CORO2B: variants seen among roughly 807,000 people sequenced by gnomAD.
The protein encoded by CORO2B is coronin-2B.
CORO2B carries 26 observed loss-of-function variants against 58.8 expected under a neutral mutation model. The observed-to-expected ratio is 0.44, with a 90% CI of 0.32 to 0.61. The LOEUF (loss-of-function observed/expected upper bound fraction) is 0.61, where lower values mean the gene tolerates loss of function less well. CORO2B is among the 20% of genes least tolerant of loss of function. The probability of loss-of-function intolerance (pLI) is 0.04; values close to 1 mark genes in which losing one functional copy is unlikely to be tolerated. For missense variants in CORO2B, 460 were observed against 645.1 expected, an observed-to-expected ratio of 0.71 and a Z score of 3.11; for synonymous variants, 242 against 253.8, an observed-to-expected ratio of 0.95 and a Z score of 0.44.
At chr15:68,650,455 T>C (rs534696260) in intron 2 of CORO2B, among the ~76,000 whole-genome samples, 5 of 140,554 alleles carry the variant, frequency 3.6e-5, no homozygotes, top group African/African-American at 8.4e-5. Flanking sequence ...CCACTAAAAA[T>C]ACAAAACTTG....
rs997774789 is a variant in CORO2B, at chr15:68,680,029, G to A, written c.217-15111G>A. On this transcript the variant is annotated intron_variant, in intron 2 of 11. Transcript: ENST00000261861. ...CAGGGCTGAGTCTCTATGGTGTCTGGGCAGGGAAGATGGTGGGCACTGGGC... is the reference window on the plus strand; with the variant it reads ...CAGGGCTGAGTCTCTATGGTGTCTGAGCAGGGAAGATGGTGGGCACTGGGC... Among the ~76,000 whole-genome samples the A allele has an allele frequency of 2.0e-5, 3 of 152,094 alleles. No homozygotes were observed. In the East Asian group the frequency reaches 5.8e-4, roughly 29 times the overall value.
Position 68,645,931 on chromosome 15 carries a change from G to A in CORO2B, c.216+571G>A, listed in dbSNP as rs1008806952. Among the ~76,000 whole-genome samples the A allele has an allele frequency of 2.0e-5, 3 of 151,812 alleles. No homozygotes were observed. The highest frequency in any genetic ancestry group is 2.9e-5 in the Non-Finnish European group (2 of 67,952). The stretch of plus-strand genomic sequence containing the variant: ...TGGGATTGCAGGCACGTGCCACCAC[G>A]CCCAGCTAATTTTTGTATTTTCAGT... On this transcript the variant is annotated intron_variant, in intron 2 of 11. Coordinates refer to ENST00000261861, the MANE Select transcript of CORO2B (RefSeq NM_006091.5). The surrounding 1 kb of genome is among the most constrained non-coding windows in gnomAD (Gnocchi z 4.5).
At chr15:68,543,216 T>A in the CORO2B span, among the ~76,000 whole-genome samples, 40 of 152,316 alleles carry the variant, frequency 2.6e-4, no homozygotes, top group African/African-American at 9.6e-4. Context: ...TGGCTCTCAC[T>A]GGCTATGTGA....
chr15:68,679,862 T>G (rs1335998488), intron 2 of CORO2B, among the ~76,000 whole-genome samples: 1 of 152,166 alleles, frequency 6.6e-6, no homozygotes, highest in Non-Finnish European at 1.5e-5. Flanking sequence ...GGCCATAGAT[T>G]CCCAGGGTCA....
At chr15:68,527,479 G>A in the CORO2B span, among the ~76,000 whole-genome samples, 1 of 152,114 alleles carries the variant, frequency 6.6e-6, no homozygotes, top group East Asian at 1.9e-4. Context: ...AATTGACCAT[G>A]TATCTGTGAG....
At chr15:68,596,600 G>T (rs932260118) in intron 1 of CORO2B, among the ~76,000 whole-genome samples, 1 of 152,108 alleles carries the variant, frequency 6.6e-6, no homozygotes, top group African/African-American at 2.4e-5. Context: ...AATACTTCTC[G>T]ACTGACTGGG....
At chr15:68,660,491 C>T (rs1901979673) in intron 2 of CORO2B, among the ~76,000 whole-genome samples, 1 of 152,190 alleles carries the variant, frequency 6.6e-6, no homozygotes, top group Non-Finnish European at 1.5e-5. Flanking sequence ...TCACCTCAGC[C>T]TCCCAAGTAG....
Position 68,726,713 on chromosome 15 carries a change from T to C in CORO2B, c.*739T>C, listed in dbSNP as rs1255643444. ...TTTGACAAATGACAGAACTGAGGGT[T>C]GCAATGGGGAAATGACTTATAAAGT... On this transcript the variant is annotated 3_prime_UTR_variant, in exon 12 of 12. Coordinates refer to ENST00000261861, the MANE Select transcript of CORO2B (RefSeq NM_006091.5). The C allele has an allele frequency of 1.3e-5, 2 of 152,452 alleles. No individual in the cohort carries two copies. Among genetic ancestry groups the C allele is most frequent in the African/African-American group, 4.8e-5 (2 of 41,450 alleles). The allele number at this position is 152,452 out of a possible 1,614,324, so 9.4% of individuals were successfully genotyped here.
At chr15:68,535,948 T>C in the CORO2B span, among the ~76,000 whole-genome samples, 16,995 of 152,268 alleles carry the variant, frequency 0.11, 995 homozygotes, top group Middle Eastern at 0.14. Flanking sequence ...ATATGATTTG[T>C]AATTTTGGCT....
At chr15:68,533,029 C>CT in the CORO2B span, among the ~76,000 whole-genome samples, 152 of 152,318 alleles carry the variant, frequency 1.0e-3, no homozygotes, top group African/African-American at 3.6e-3. Flanking sequence ...TCCTTTTGCA[C>CT]TTTTTAGAAC....
chr15:68,604,194 G>A (rs549169071), intron 1 of CORO2B, among the ~76,000 whole-genome samples: 74 of 152,218 alleles, frequency 4.9e-4, no homozygotes, highest in Non-Finnish European at 8.8e-4. Flanking sequence ...TTGTCACTCT[G>A]GGCACCCCCT....
intron 1 of CORO2B, among the ~76,000 whole-genome samples, chr15:68,638,417 A>G (rs1346585312): frequency 1.3e-5 from 2 of 152,152 alleles, no homozygotes; most frequent in Non-Finnish European, 2.9e-5. Context: ...CATTATTCTC[A>G]TTTTACAGTT....
chr15:68,538,782 C>T, the CORO2B span, among the ~76,000 whole-genome samples: 1 of 148,454 alleles, frequency 6.7e-6, no homozygotes, highest in Non-Finnish European at 1.5e-5. Flanking sequence ...GAAGAGGATC[C>T]CTGGACCTAT....
the CORO2B span, among the ~76,000 whole-genome samples, chr15:68,543,179 G>A: frequency 0.032 from 4,832 of 152,246 alleles, 278 homozygotes; most frequent in African/African-American, 0.11. Flanking sequence ...CCTGGCCTTC[G>A]AGACAGAAGG....
chr15:68,693,825 ATTTGTTTGTTTG>A (rs71905785), intron 2 of CORO2B, among the ~76,000 whole-genome samples: 3 of 151,002 alleles, frequency 2.0e-5, no homozygotes, highest in East Asian at 2.0e-4. Flanking sequence ...TCTGGTTGTG[ATTTGTTTGTTTG>A]TTTGTTTGTT....
At chr15:68,578,871 G>A (rs1032810436), upstream of CORO2B, 119 of 322,980 alleles carry the variant, frequency 3.7e-4, no homozygotes, top group Admixed American at 4.3e-3. This position sits in a 1 kb window ranked among gnomAD's most constrained non-coding sequence, Gnocchi z 4.2. Flanking sequence ...GAGGCTCGGG[G>A]CACGGCCGCT....
At chr15:68,691,834 G>A (rs1420967555) in intron 2 of CORO2B, among the ~76,000 whole-genome samples, 4 of 152,084 alleles carry the variant, frequency 2.6e-5, no homozygotes, top group Non-Finnish European at 4.4e-5. Flanking sequence ...GTGGGCTGCT[G>A]GCTAGAAGCT....
intron 2 of CORO2B, among the ~76,000 whole-genome samples, chr15:68,690,495 A>G (rs1294634461): frequency 6.6e-6 from 1 of 152,102 alleles, no homozygotes; most frequent in Non-Finnish European, 1.5e-5. Flanking sequence ...CTCCCTTCTT[A>G]CTACGCACAC....
chr15:68,546,583 G>A, the CORO2B span, among the ~76,000 whole-genome samples: 2 of 152,154 alleles, frequency 1.3e-5, no homozygotes, highest in African/African-American at 2.4e-5. Context: ...CTTTCTGCCT[G>A]GCCTGCCTCC....
Sources: gnomAD v4.1 joint callset for allele counts (sites outside exome capture counted in the v4.1 genomes callset) on GRCh38, gnomAD v4.1.1 for gene constraint, Gnocchi (gnomAD v3.1) non-coding constraint, MANE v1.5 for transcripts, NCBI Gene and HGNC (gene_info 2026-07-23, HGNC 2026-07-21) for gene names.